The following CFTR variants were observed in gnomAD, a reference collection of about 807,000 sequenced individuals.
CFTR encodes the protein CF transmembrane conductance regulator.
In CFTR, 181 loss-of-function variants were observed where a neutral mutation model predicts 171.6. That is an observed-to-expected ratio of 1.05 (90% confidence interval 0.93 to 1.19). The LOEUF (loss-of-function observed/expected upper bound fraction) is 1.19, where lower values mean the gene tolerates loss of function less well. CFTR is among the 50% of genes most tolerant of loss of function. The pLI, the probability that CFTR is intolerant of heterozygous loss-of-function variation, is 0.00. For missense variants in CFTR, 1,968 were observed against 1,734.7 expected (o/e 1.13, Z -2.39); for synonymous variants, 583 against 608.0 (o/e 0.96, Z 0.60).
intron 22 of CFTR, among the ~76,000 whole-genome samples, chr7:117,639,697 G>T (rs1792881017): frequency 6.6e-6 from 1 of 152,100 alleles, no homozygotes; most frequent in Non-Finnish European, 1.5e-5. Context: ...CTAAATACTT[G>T]TTTGCTTTGT....
At chr7:117,564,783 G>A (rs956021038) in intron 11 of CFTR, 66 of 166,514 alleles carry the variant, frequency 4.0e-4, no homozygotes, top group African/African-American at 1.6e-3. Context: ...CATAGGAGCA[G>A]GCAGGTAAGT....
intron 9 of CFTR, among the ~76,000 whole-genome samples, chr7:117,542,439 C>T (rs530116496): frequency 9.9e-4 from 150 of 151,952 alleles, no homozygotes; most frequent in Non-Finnish European, 1.6e-3. Context: ...CCCAGCTGCT[C>T]GGGAGGCTGA....
intron 22 of CFTR, among the ~76,000 whole-genome samples, chr7:117,641,910 C>T (rs564883913): frequency 3.3e-5 from 5 of 152,330 alleles, no homozygotes; most frequent in Middle Eastern, 3.4e-3. Context: ...GCCCAACCTG[C>T]CTTCTCTGGG....
In CFTR at chr7:117,515,668, A is replaced by AT. The variant is rs879738266; in HGVS notation, c.273+6535dup. Among the ~76,000 whole-genome samples, 151 of 151,660 alleles carry AT rather than the reference A, an allele frequency of 1.0e-3. 2 individuals are homozygous for AT. Among genetic ancestry groups the AT allele is most frequent in the Admixed American group, 8.9e-3 (136 of 15,210 alleles). On this transcript the variant is annotated intron_variant, in intron 3 of 26. Transcript: ENST00000003084. ...TTGATTCCATATGAAATTTAAAATA[A>AT]TTTTTTTTTATTCTGTGAAGAATGT...
chr7:117,546,825 A>G (rs1799155354), intron 9 of CFTR, among the ~76,000 whole-genome samples: 2 of 152,202 alleles, frequency 1.3e-5, no homozygotes, highest in South Asian at 4.1e-4. Context: ...ATGCAGATCC[A>G]TCTTCCTGGA....
At chr7:117,584,167 T>G (rs571199327) in intron 11 of CFTR, among the ~76,000 whole-genome samples, 1 of 152,316 alleles carries the variant, frequency 6.6e-6, no homozygotes, top group Non-Finnish European at 1.5e-5. Flanking sequence ...CAAAAGCTTT[T>G]CAGTTTAATT....
intron 23 of CFTR, among the ~76,000 whole-genome samples, chr7:117,647,084 CT>C (rs1671327794): frequency 6.6e-6 from 1 of 152,022 alleles, no homozygotes; most frequent in Admixed American, 6.6e-5. Context: ...TTTTATTCAT[CT>C]AATTATAGCT....
chr7:117,630,419 G>A (rs141111956), intron 22 of CFTR, among the ~76,000 whole-genome samples: 134 of 152,278 alleles, frequency 8.8e-4, no homozygotes, highest in African/African-American at 3.2e-3. Context: ...ACAAGTAAAG[G>A]TGGTGTTGCA....
chr7:117,558,553 CTAAATAAATAAATAAATAAA>C (rs10655920), intron 10 of CFTR, among the ~76,000 whole-genome samples: 1 of 145,208 alleles, frequency 6.9e-6, no homozygotes, highest in African/African-American at 2.6e-5. Context: ...GACTCTGTCT[CTAAATAAATAAATAAATAAA>C]TAAATAAATA....
intron 20 of CFTR, among the ~76,000 whole-genome samples, chr7:117,612,580 G>A (rs1195961556): frequency 6.6e-6 from 1 of 151,974 alleles, no homozygotes; most frequent in Non-Finnish European, 1.5e-5. Flanking sequence ...TCTTATATGT[G>A]ACAGTGAATA....
In CFTR at chr7:117,523,364, GTTTTGTTTTGTT is replaced by G. The variant is rs1471683456; in HGVS notation, c.274-7525_274-7514del. On this transcript the variant is annotated intron_variant, in intron 3 of 26. Coordinates refer to ENST00000003084, the MANE Select transcript of CFTR (RefSeq NM_000492.4). Reference sequence around the variant, plus strand: ...AAAGCAAGACTGTCTCTGAATTTTTGTTTTGTTTTGTTTTTTGTTTTTTTTTTTTTGAGACAG... The same window carrying G: ...AAAGCAAGACTGTCTCTGAATTTTTGTTTTGTTTTTTTTTTTTTGAGACAG... Among the ~76,000 whole-genome samples, 10 of 147,310 alleles carry G rather than the reference GTTTTGTTTTGTT, an allele frequency of 6.8e-5. No individual in the cohort carries two copies. The Admixed American group carries it at 7.0e-4, about 10-fold the overall frequency.
chr7:117,602,875 A>G lies in CFTR; in HGVS notation c.2657+12A>G, dbSNP rs1792246845. The G allele has an allele frequency of 6.2e-7, 1 of 1,608,086 alleles. No homozygotes were observed. The highest frequency in any genetic ancestry group is 8.5e-7 in the Non-Finnish European group (1 of 1,174,480). On this transcript the variant is annotated intron_variant, in intron 16 of 26. Coordinates refer to ENST00000003084, the MANE Select transcript of CFTR (RefSeq NM_000492.4). Reference sequence around the variant, plus strand: ...TGGCTCCTTGGAAAGTGAGTATTCCATGTCCTATTGTGTAGATTGTGTTTT... The same window carrying G: ...TGGCTCCTTGGAAAGTGAGTATTCCGTGTCCTATTGTGTAGATTGTGTTTT...
At chr7:117,544,761 T>G (rs1167446978) in intron 9 of CFTR, among the ~76,000 whole-genome samples, 1 of 152,240 alleles carries the variant, frequency 6.6e-6, no homozygotes, top group Non-Finnish European at 1.5e-5. Flanking sequence ...TCACTCTTCT[T>G]CCCTTTGCTG....
intron 3 of CFTR, among the ~76,000 whole-genome samples, chr7:117,523,432 A>C (rs1001934056): frequency 6.6e-6 from 1 of 150,570 alleles, no homozygotes; most frequent in Non-Finnish European, 1.5e-5. Context: ...GCTGAAGTGC[A>C]GTGGCGCGAT....
chr7:117,590,247 G>A lies in CFTR; in HGVS notation c.1680-106G>A, dbSNP rs112778223. ...AGTGTTATTTCAGTGAATCGATGTG[G>A]TGACCATATTGTAATGCATGTAGTG... is the stretch of plus-strand genomic sequence containing the variant. On this transcript the variant is annotated intron_variant, in intron 12 of 26. Coordinates refer to ENST00000003084, the MANE Select transcript of CFTR (RefSeq NM_000492.4). The A allele has an allele frequency of 2.0e-5, 26 of 1,323,370 alleles. No individual in the cohort carries two copies. In the African/African-American group the frequency reaches 2.2e-4, roughly 11 times the overall value. The allele number at this position is 1,323,370 out of a possible 1,614,324, so 82.0% of individuals were successfully genotyped here.
At chr7:117,545,797 TA>T (rs1283405290) in intron 9 of CFTR, among the ~76,000 whole-genome samples, 1 of 150,744 alleles carries the variant, frequency 6.6e-6, no homozygotes, top group Non-Finnish European at 1.5e-5. Flanking sequence ...TATCATCACT[TA>T]TTTTTTTTTT....
At chr7:117,627,185 G>A (rs10240654) in intron 21 of CFTR, among the ~76,000 whole-genome samples, 5,061 of 152,090 alleles carry the variant, frequency 0.033, 215 homozygotes, top group African/African-American at 0.098. Flanking sequence ...ATAATATACC[G>A]GTTATACAGC....
At chr7:117,490,025 A>G (rs982594055) in intron 1 of CFTR, among the ~76,000 whole-genome samples, 3 of 151,790 alleles carry the variant, frequency 2.0e-5, no homozygotes, top group Non-Finnish European at 2.9e-5. Flanking sequence ...AAATGATCTC[A>G]TATTCTACTT....
At chr7:117,625,851 T>C (rs1792641936) in intron 21 of CFTR, among the ~76,000 whole-genome samples, 2 of 152,162 alleles carry the variant, frequency 1.3e-5, no homozygotes, top group Non-Finnish European at 2.9e-5. Context: ...TGAAAATTAG[T>C]GACAGTGTGA....
Sources: allele counts gnomAD v4.1 joint callset (sites outside exome capture counted in the v4.1 genomes callset), GRCh38; gene constraint gnomAD v4.1.1; transcripts MANE v1.5; gene names NCBI Gene and HGNC (gene_info 2026-07-23, HGNC 2026-07-21).